The following LYPD6B variants were observed in gnomAD, a reference collection of about 807,000 sequenced individuals.
LYPD6B encodes the protein LY6/PLAUR domain containing 6B, also known as ly6/PLAUR domain-containing protein 6B.
In LYPD6B, 17 loss-of-function variants were observed where a neutral mutation model predicts 22.8. That is an observed-to-expected ratio of 0.75 (90% CI 0.51 to 1.12). The LOEUF (loss-of-function observed/expected upper bound fraction) is 1.12, where lower values mean the gene tolerates loss of function less well. LYPD6B is among the 50% of genes most tolerant of loss of function. The pLI, the probability that LYPD6B is intolerant of heterozygous loss-of-function variation, is 0.00. For missense variants in LYPD6B, 221 were observed against 258.3 expected (o/e 0.86, Z 0.99); for synonymous variants, 106 against 91.6 (o/e 1.16, Z -0.90).
intron 2 of LYPD6B, among the ~76,000 whole-genome samples, chr2:149,152,634 GTTTCC>G (rs907069384): frequency 2.0e-5 from 3 of 152,208 alleles, no homozygotes; most frequent in African/African-American, 7.2e-5. Flanking sequence ...GAATCAAAGA[GTTTCC>G]TTTATTTTAT....
chr2:149,129,139 A>G (rs1039364131), intron 1 of LYPD6B, among the ~76,000 whole-genome samples: 1 of 152,230 alleles, frequency 6.6e-6, no homozygotes, highest in Non-Finnish European at 1.5e-5. Flanking sequence ...CTTTAAACAG[A>G]AAAAGGTCCT....
intron 2 of LYPD6B, among the ~76,000 whole-genome samples, chr2:149,148,519 A>T (rs1367369955): frequency 6.6e-6 from 1 of 152,242 alleles, no homozygotes; most frequent in Non-Finnish European, 1.5e-5. Context: ...TTGCAAATTC[A>T]TAGTAGCTCT....
intron 1 of LYPD6B, among the ~76,000 whole-genome samples, chr2:149,123,449 A>G (rs1027984822): frequency 1.5e-4 from 23 of 152,204 alleles, no homozygotes; most frequent in Non-Finnish European, 2.5e-4. Context: ...AGATCTTTAA[A>G]AAAAGATCTG....
chr2:149,122,383 CT>C (rs1015564749), intron 1 of LYPD6B, among the ~76,000 whole-genome samples: 20 of 151,210 alleles, frequency 1.3e-4, no homozygotes, highest in East Asian at 7.8e-4. Context: ...TTTCTCATTT[CT>C]TTTTTTCTTT....
At chr2:149,209,335 G>C (rs375960004) in intron 5 of LYPD6B, among the ~76,000 whole-genome samples, 1 of 152,088 alleles carries the variant, frequency 6.6e-6, no homozygotes, top group African/African-American at 2.4e-5. Context: ...TGAGAATTTG[G>C]ACTAGGTTGG....
intron 1 of LYPD6B, among the ~76,000 whole-genome samples, chr2:149,121,771 G>A (rs1347400122): frequency 6.6e-6 from 1 of 152,112 alleles, no homozygotes; most frequent in Non-Finnish European, 1.5e-5. Context: ...GCTTTCACCA[G>A]AGATGCTGCA....
intron 3 of LYPD6B, among the ~76,000 whole-genome samples, chr2:149,180,370 T>C (rs932932063): frequency 2.0e-5 from 3 of 152,208 alleles, no homozygotes; most frequent in Admixed American, 6.5e-5. Flanking sequence ...CATAATTCTT[T>C]GGTAACTGCG....
chr2:149,192,883 A>G (rs1240238938), intron 3 of LYPD6B, among the ~76,000 whole-genome samples: 1 of 152,076 alleles, frequency 6.6e-6, no homozygotes, highest in Non-Finnish European at 1.5e-5. Flanking sequence ...TCAATCAAGC[A>G]TTTATTCAAT....
intron 3 of LYPD6B, chr2:149,187,745 G>A: frequency 2.4e-6 from 1 of 422,508 alleles, no homozygotes; most frequent in Non-Finnish European, 4.2e-6. Flanking sequence ...CTGAAAAAAA[G>A]AAGTGCAAAA....
intron 1 of LYPD6B, among the ~76,000 whole-genome samples, chr2:149,093,175 G>A (rs376917783): frequency 5.9e-5 from 9 of 152,210 alleles, no homozygotes; most frequent in African/African-American, 1.9e-4. Flanking sequence ...GAACAAGGAT[G>A]AGGAAGAGCG....
chr2:149,137,094 A>AT (rs1345151524), intron 2 of LYPD6B, among the ~76,000 whole-genome samples: 1 of 152,224 alleles, frequency 6.6e-6, no homozygotes, highest in East Asian at 1.9e-4. Flanking sequence ...GGCAGCAGAC[A>AT]TTTATTGAGC....
At chr2:149,196,226 T>G (rs554340158) in intron 3 of LYPD6B, among the ~76,000 whole-genome samples, 1 of 152,348 alleles carries the variant, frequency 6.6e-6, no homozygotes, top group East Asian at 1.9e-4. Flanking sequence ...TGTTATATAT[T>G]CAGAATGCAG....
chr2:149,174,292 A>T (rs1190828875), intron 3 of LYPD6B, among the ~76,000 whole-genome samples: 1 of 152,200 alleles, frequency 6.6e-6, no homozygotes, highest in African/African-American at 2.4e-5. Context: ...GGCTGAGATG[A>T]TGGTGTTTTC....
intron 1 of LYPD6B, among the ~76,000 whole-genome samples, chr2:149,039,841 G>T (rs915584619): frequency 1.3e-5 from 2 of 152,298 alleles, no homozygotes; most frequent in East Asian, 3.9e-4. Context: ...GATGGAGGGG[G>T]TGTTGTCAGA....
intron 1 of LYPD6B, among the ~76,000 whole-genome samples, chr2:149,085,257 C>T (rs922041683): frequency 6.6e-6 from 1 of 152,212 alleles, no homozygotes; most frequent in African/African-American, 2.4e-5. Flanking sequence ...TGGGCCTAAC[C>T]CCACATGTTC....
chr2:149,154,148 C>T (rs562502603), intron 2 of LYPD6B: 227 of 297,228 alleles, frequency 7.6e-4, no homozygotes, highest in Non-Finnish European at 9.9e-4. Context: ...AATCCAAGTT[C>T]CAACCCCTAG....
intron 5 of LYPD6B, 40 bp downstream of exon 5, chr2:149,208,452 T>G: frequency 7.0e-7 from 1 of 1,420,942 alleles, no homozygotes; most frequent in African/African-American, 1.4e-5. Flanking sequence ...TGATCTCATT[T>G]CATTTGAATC....
At position 149,120,784 on chromosome 2, in the gene LYPD6B, C is replaced by CTTTTTTTTT. The variant is rs567231544; in HGVS notation, c.-66-10086_-66-10078dup. Among the ~76,000 whole-genome samples, 188 of 95,536 alleles carry CTTTTTTTTT rather than the reference C, an allele frequency of 2.0e-3. 11 individuals are homozygous for CTTTTTTTTT. Among genetic ancestry groups the CTTTTTTTTT allele is most frequent in the African/African-American group, 7.0e-3 (150 of 21,280 alleles). 62.7% of individuals were successfully genotyped at this position (95,536 alleles called of 152,430 possible). A position where few individuals can be genotyped will look rare whatever the true frequency, so the allele number is the denominator to read the frequency against. ...ATTTTTTGCTACTATGCTACAAAGT[C>CTTTTTTTTT]TTTTTTTTTTTTTTTTTTTTTGTGA... On this transcript the variant is annotated intron_variant, in intron 1 of 6. Transcript: ENST00000409642.
Position 149,054,973 on chromosome 2 carries a change from A to G in LYPD6B, c.-67+16172A>G, listed in dbSNP as rs150014022. Among the ~76,000 whole-genome samples, 491 of 152,054 alleles carry G rather than the reference A, an allele frequency of 3.2e-3. 3 individuals are homozygous for G. Among genetic ancestry groups the G allele is most frequent in the African/African-American group, 0.011 (465 of 41,478 alleles). ...CTTTTGGCATCACATGTAAGAAACCATTGCTTAATCCAAGGTCACATAGGT... is the reference window on the plus strand; with the variant it reads ...CTTTTGGCATCACATGTAAGAAACCGTTGCTTAATCCAAGGTCACATAGGT... On this transcript the variant is annotated intron_variant, in intron 1 of 6. Coordinates refer to ENST00000409642, the MANE Select transcript of LYPD6B (RefSeq NM_177964.5).
Sources: gnomAD v4.1 joint callset for allele counts (sites outside exome capture counted in the v4.1 genomes callset) on GRCh38, gnomAD v4.1.1 for gene constraint, MANE v1.5 for transcripts, NCBI Gene and HGNC (gene_info 2026-07-23, HGNC 2026-07-21) for gene names.